Variants in ELF1 observed in about 807,000 individuals in gnomAD.
The protein encoded by ELF1 is ETS-related transcription factor Elf-1.
ELF1 carries 24 observed loss-of-function variants against 59.9 expected under a neutral mutation model. The ratio of observed to expected loss-of-function variants is 0.40; its 90% CI spans 0.29 to 0.56. The LOEUF is 0.56. ELF1 is among the 20% of genes least tolerant of loss of function. ELF1 has a pLI of 0.44. For missense variants in ELF1, 627 were observed against 742.2 expected, an observed-to-expected ratio of 0.84 and a Z score of 1.80; for synonymous variants, 248 against 266.2, an observed-to-expected ratio of 0.93 and a Z score of 0.67.
At chr13:41,026,434 CTCTGTAACAAA>C (rs1284201869) in intron 1 of ELF1, among the ~76,000 whole-genome samples, 5 of 152,302 alleles carry the variant, frequency 3.3e-5, no homozygotes, top group South Asian at 2.1e-4. Flanking sequence ...GAATAGAAGG[CTCTGTAACAAA>C]TCTGTAACAA....
intron 1 of ELF1, among the ~76,000 whole-genome samples, chr13:41,009,550 C>A (rs1874932171): frequency 6.6e-6 from 1 of 152,094 alleles, no homozygotes; most frequent in Non-Finnish European, 1.5e-5. Flanking sequence ...TGAACTACTG[C>A]CAATATGATG....
Position 40,941,268 on chromosome 13 carries a change from A to T in ELF1, c.909T>A (p.Asp303Glu), listed in dbSNP as rs1249909233. 6.2e-7 allele frequency: 1 copy of T among 1,613,884 alleles called. No individual in the cohort carries two copies. The highest frequency in any genetic ancestry group is 1.7e-5 in the Admixed American group (1 of 59,990). Residue 303 changes from aspartate to glutamate, a missense_variant, in exon 8 of 9, where the codon GAT becomes GAA. Asp to Glu is a conservative substitution (Grantham distance 45). Around this residue, in one of 3 missense-constraint regions of ELF1, gnomAD observed 361 missense variants for 396.1 expected, o/e 0.91. Transcript: ENST00000239882. ...CTGAAGACTCTATGCTGGAACTTGGATCCTCATCATTTATATATATAAGAT... is the reference window on the plus strand; with the variant it reads ...CTGAAGACTCTATGCTGGAACTTGGTTCCTCATCATTTATATATATAAGAT... ...PKDLIYINDE[D>E]PSSSIESSDP... is the part of the protein sequence containing the mutation.
intron 1 of ELF1, among the ~76,000 whole-genome samples, chr13:40,986,208 T>C (rs929394480): frequency 3.9e-5 from 6 of 152,166 alleles, no homozygotes; most frequent in African/African-American, 1.4e-4. Flanking sequence ...GTCAGACCGA[T>C]TGGGTGCCAA....
At chr13:41,012,308 G>A (rs1375738321) in intron 1 of ELF1, among the ~76,000 whole-genome samples, 10 of 57,572 alleles carry the variant, frequency 1.7e-4, no homozygotes, top group African/African-American at 2.4e-4. Context: ...GCAAGACTCT[G>A]TCTCAAAAAA....
In ELF1 at chr13:40,933,556, G is replaced by A. The variant is rs757006030; in HGVS notation, c.1729C>T (p.His577Tyr). The change falls in exon 9 of 9, where the codon CAT (histidine) becomes TAT (tyrosine). Residue 577 changes from histidine to tyrosine, a missense_variant. Around this residue, in one of 3 missense-constraint regions of ELF1, gnomAD observed 361 missense variants for 396.1 expected, o/e 0.91. Coordinates refer to ENST00000239882, the MANE Select transcript of ELF1 (RefSeq NM_172373.4). ...QEVEKKESED[H>Y]LKENTEKTEQ... is the part of the protein sequence containing the mutation. ...GTTTTCTCAGTGTTCTCTTTCAAAT[G>A]ATCTTCAGATTCCTTTTTCTCTACT... The A allele has an allele frequency of 6.2e-7, 1 of 1,614,194 alleles. No homozygotes were observed. The highest frequency in any genetic ancestry group is 8.5e-7 in the Non-Finnish European group (1 of 1,180,028).
At chr13:40,938,181 A>G (rs1218057426) in intron 8 of ELF1, among the ~76,000 whole-genome samples, 1 of 152,234 alleles carries the variant, frequency 6.6e-6, no homozygotes, top group Non-Finnish European at 1.5e-5. Context: ...AAGTTATGCT[A>G]GGTAAAATGG....
intron 1 of ELF1, among the ~76,000 whole-genome samples, chr13:41,024,804 T>G (rs1875828771): frequency 6.6e-6 from 1 of 152,196 alleles, no homozygotes; most frequent in Non-Finnish European, 1.5e-5. Context: ...GGAAATCTAA[T>G]TTTTATACTG....
intron 1 of ELF1, among the ~76,000 whole-genome samples, chr13:41,049,219 C>T (rs558574375): frequency 1.5e-4 from 23 of 152,320 alleles, no homozygotes; most frequent in East Asian, 3.9e-4. Context: ...TACCAAATCA[C>T]AGTATCAAGG....
In ELF1 at chr13:40,972,667, T is replaced by TG. The variant is rs140576729; in HGVS notation, c.72+9315dup. Among the ~76,000 whole-genome samples the TG allele has an allele frequency of 5.7e-3, 865 of 152,358 alleles. 10 individuals are homozygous for TG. Among genetic ancestry groups the TG allele is most frequent in the African/African-American group, 0.02 (833 of 41,586 alleles). On this transcript the variant is annotated intron_variant, in intron 2 of 8. Coordinates refer to ENST00000239882, the MANE Select transcript of ELF1 (RefSeq NM_172373.4). ...GTAAATGCATTGCATAAGCATTTAA[T>TG]GCTCATAACCTTGGGAGGTAATTCT...
At chr13:40,949,580 C>T (rs1870718522) in intron 5 of ELF1, among the ~76,000 whole-genome samples, 1 of 152,068 alleles carries the variant, frequency 6.6e-6, no homozygotes, top group Non-Finnish European at 1.5e-5. Flanking sequence ...GTCTCAAACT[C>T]CTGGCCTCAA....
intron 1 of ELF1, among the ~76,000 whole-genome samples, chr13:41,053,705 G>A (rs189203874): frequency 9.2e-5 from 14 of 152,282 alleles, no homozygotes; most frequent in East Asian, 7.7e-4. Context: ...TTATTTGGTC[G>A]TGAGTCCAAA....
chr13:40,960,628 G>A (rs1333702804), intron 2 of ELF1, among the ~76,000 whole-genome samples: 2 of 152,176 alleles, frequency 1.3e-5, no homozygotes, highest in Non-Finnish European at 2.9e-5. Context: ...TATTGAGACA[G>A]GGTCTTGCTC....
chr13:40,933,857 G>A lies in ELF1; in HGVS notation c.1428C>T (p.Pro476=), dbSNP rs145131167. The part of the protein sequence containing the change: ...FILQAIPSSQ[P]MTVLKENVML... ...TGACATTTTCTTTCAGTACTGTCATGGGCTGTGATGATGGAATGGCTTGTA... is the reference window on the plus strand; with the variant it reads ...TGACATTTTCTTTCAGTACTGTCATAGGCTGTGATGATGGAATGGCTTGTA... Residue 476 remains proline, a synonymous_variant, in exon 9 of 9, where the codon CCC becomes CCT. Coordinates refer to ENST00000239882, the MANE Select transcript of ELF1 (RefSeq NM_172373.4). The A allele has an allele frequency of 9.2e-5, 148 of 1,614,102 alleles. No individual in the cohort carries two copies. Among genetic ancestry groups the A allele is most frequent in the Non-Finnish European group, 1.2e-4 (142 of 1,180,050 alleles).
intron 2 of ELF1, among the ~76,000 whole-genome samples, chr13:40,968,130 C>T (rs962302531): frequency 1.3e-5 from 2 of 152,028 alleles, no homozygotes; most frequent in African/African-American, 2.4e-5. Context: ...TGCTTATTAC[C>T]GACATACATT....
intron 1 of ELF1, among the ~76,000 whole-genome samples, chr13:41,051,313 T>C (rs918960963): frequency 6.6e-6 from 1 of 151,928 alleles, no homozygotes; most frequent in African/African-American, 2.4e-5. Context: ...AGCTTATGTT[T>C]TGCCTCCCTT....
At chr13:40,966,659 T>C (rs1342988553) in intron 2 of ELF1, among the ~76,000 whole-genome samples, 1 of 152,220 alleles carries the variant, frequency 6.6e-6, no homozygotes, top group African/African-American at 2.4e-5. Flanking sequence ...ATTAATAATT[T>C]TGTTCATCAA....
At chr13:40,991,913 CATT>C (rs1873874494) in intron 1 of ELF1, among the ~76,000 whole-genome samples, 2 of 152,032 alleles carry the variant, frequency 1.3e-5, no homozygotes, top group Admixed American at 1.3e-4. Flanking sequence ...TTTGGGATCA[CATT>C]ATTGAGCAAA....
chr13:40,948,546 T>G (rs562530139), intron 5 of ELF1, among the ~76,000 whole-genome samples: 1 of 152,344 alleles, frequency 6.6e-6, no homozygotes. Context: ...TTTCAGCTCT[T>G]GGAATTTCCC....
At chr13:41,025,119 T>TTA (rs369138412) in intron 1 of ELF1, among the ~76,000 whole-genome samples, 10,348 of 152,266 alleles carry the variant, frequency 0.068, 740 homozygotes, top group East Asian at 0.23. Flanking sequence ...AATCTGACTT[T>TTA]AATTTCCCTA....
Sources: allele counts gnomAD v4.1 joint callset (sites outside exome capture counted in the v4.1 genomes callset), GRCh38; gene constraint gnomAD v4.1.1; regional missense constraint gnomAD v4.1.1; transcripts MANE v1.5; gene names NCBI Gene and HGNC (gene_info 2026-07-23, HGNC 2026-07-21).